Variants in CHEK1 observed in about 807,000 individuals in gnomAD.
The protein encoded by CHEK1 is checkpoint kinase 1.
A neutral mutation model predicts 60.2 loss-of-function variants in CHEK1; 32 were observed. That is an observed-to-expected ratio of 0.53 (90% CI 0.40 to 0.71). The LOEUF (loss-of-function observed/expected upper bound fraction) is 0.71. Ranked by LOEUF, CHEK1 falls within the 30% of genes least tolerant of loss-of-function variation. CHEK1 has a pLI of 0.00. For missense variants in CHEK1, 399 were observed against 564.6 expected (o/e 0.71, Z 2.97); for synonymous variants, 179 against 187.2 (o/e 0.96, Z 0.36).
chr11:125,668,066 T>C (rs1942129778), intron 13 of CHEK1, among the ~76,000 whole-genome samples: 2 of 152,242 alleles, frequency 1.3e-5, no homozygotes, highest in South Asian at 4.1e-4. Flanking sequence ...AATAAAGACC[T>C]TCTCACAGAC....
At chr11:125,679,540 C>G (rs183398926), downstream of CHEK1, among the ~76,000 whole-genome samples, 2 of 152,270 alleles carry the variant, frequency 1.3e-5, no homozygotes, top group Admixed American at 1.3e-4. Context: ...CATTGACTGT[C>G]AGACAAATAT....
At chr11:125,664,232 AT>A (rs34554687) in intron 13 of CHEK1, among the ~76,000 whole-genome samples, 10,306 of 129,188 alleles carry the variant, frequency 0.08, 291 homozygotes, top group African/African-American at 0.12. Context: ...ATGTTGAACT[AT>A]TTTTTTTTTT....
downstream of CHEK1, among the ~76,000 whole-genome samples, chr11:125,660,034 T>C (rs1196053182): frequency 1.3e-5 from 2 of 152,216 alleles, no homozygotes; most frequent in African/African-American, 2.4e-5. Context: ...GGACTCCTTA[T>C]GGCTGAATAA....
intron 11 of CHEK1, among the ~76,000 whole-genome samples, chr11:125,647,202 G>A (rs1265811307): frequency 6.6e-6 from 1 of 152,092 alleles, no homozygotes; most frequent in Non-Finnish European, 1.5e-5. Context: ...AAATTCAAAT[G>A]TTTGTATGTG....
intron 13 of CHEK1, among the ~76,000 whole-genome samples, chr11:125,666,260 A>G (rs1204314870): frequency 6.7e-6 from 1 of 149,748 alleles, no homozygotes; most frequent in Non-Finnish European, 1.5e-5. Flanking sequence ...CTTTTTACTT[A>G]TTGGTCTTTC....
At chr11:125,664,111 T>A (rs1045582028) in intron 13 of CHEK1, among the ~76,000 whole-genome samples, 2 of 152,174 alleles carry the variant, frequency 1.3e-5, no homozygotes, top group Non-Finnish European at 2.9e-5. Flanking sequence ...CCTTGCAGTA[T>A]AGTTTGAAGT....
At chr11:125,677,678 GTT>G (rs1942576337), downstream of CHEK1, 1 of 1,350,918 alleles carries the variant, frequency 7.4e-7, no homozygotes, top group East Asian at 2.4e-5. Context: ...TGAGAGAGCT[GTT>G]TGTGAAGTGT....
chr11:125,654,194 GTGGCGGGTGC>G (rs1941827072), intron 12 of CHEK1, among the ~76,000 whole-genome samples: 1 of 152,060 alleles, frequency 6.6e-6, no homozygotes, highest in African/African-American at 2.4e-5. Flanking sequence ...GCCAGGCGTG[GTGGCGGGTGC>G]CTGTAATCCC....
chr11:125,676,220 C>T (rs1942500397), exon 14 of CHEK1: 2 of 1,178,656 alleles, frequency 1.7e-6, no homozygotes, highest in South Asian at 3.0e-5. Flanking sequence ...GGATTCTGTT[C>T]TTAGTCCTTG....
At position 125,651,897 on chromosome 11, in the gene CHEK1, T is replaced by C. The variant is rs184179371; in HGVS notation, c.1234-1849T>C. On this transcript the variant is annotated intron_variant, in intron 11 of 12. Transcript: ENST00000438015. ...AAATTGCTTTTGTGGAGTAATGGAC[T>C]TCTGGAGTTCTTTTCTCTGCCATTT... Among the ~76,000 whole-genome samples the C allele has an allele frequency of 2.0e-4, 30 of 152,370 alleles. 1 individual carries two copies. The highest frequency in any genetic ancestry group is 1.8e-3 in the Admixed American group (28 of 15,314).
chr11:125,669,276 G>T (rs1161146049), intron 13 of CHEK1, among the ~76,000 whole-genome samples: 1 of 152,034 alleles, frequency 6.6e-6, no homozygotes, highest in African/African-American at 2.4e-5. Context: ...TGTTACCTTC[G>T]CTTTTGAAGG....
chr11:125,672,949 G>C (rs1367394721), intron 13 of CHEK1, among the ~76,000 whole-genome samples: 3 of 152,068 alleles, frequency 2.0e-5, no homozygotes, highest in Non-Finnish European at 2.9e-5. Flanking sequence ...TTACAAGGAT[G>C]CTCAGGTTAC....
intron 8 of CHEK1, among the ~76,000 whole-genome samples, chr11:125,642,515 G>C (rs977883440): frequency 5.3e-5 from 8 of 151,960 alleles, no homozygotes; most frequent in Non-Finnish European, 1.2e-4. Context: ...CTGAATGAAT[G>C]GATTAATAAA....
At position 125,627,505 on chromosome 11, in the gene CHEK1, A is replaced by G. The variant is rs1159572905; in HGVS notation, c.66-102A>G. ...ACTTCCTTGGTTTCTCCTTTGTGGA[A>G]AAAGTAATAGAGGTAAAATCGTTTT... On this transcript the variant is annotated intron_variant, in intron 2 of 12. Transcript: ENST00000438015. 14 of 920,840 alleles carry G rather than the reference A, an allele frequency of 1.5e-5. No individual in the cohort carries two copies. The African/African-American group carries it at 2.4e-4, about 16-fold the overall frequency. 57.0% of individuals were successfully genotyped at this position (920,840 alleles called of 1,614,324 possible).
exon 14 of CHEK1, chr11:125,676,062 C>T: frequency 4.0e-6 from 1 of 251,912 alleles, no homozygotes; most frequent in South Asian, 6.8e-5. Context: ...TGCCCACCAC[C>T]ACACCTGGCT....
At position 125,627,849 on chromosome 11, in the gene CHEK1, A is replaced by G. The variant is rs375597178; in HGVS notation, c.289+19A>G. The G allele has an allele frequency of 4.0e-6, 6 of 1,493,016 alleles. No homozygotes were observed. Among genetic ancestry groups the G allele is most frequent in the Middle Eastern group, 2.4e-4 (1 of 4,104 alleles). 92.5% of individuals were successfully genotyped at this position (1,493,016 alleles called of 1,614,324 possible). ...AGAATAGGTATGGAAGAAATTTAAGATAATTATTTTAAACAAGTTTTTAAA... is the reference window on the plus strand; with the variant it reads ...AGAATAGGTATGGAAGAAATTTAAGGTAATTATTTTAAACAAGTTTTTAAA... On this transcript the variant is annotated intron_variant, in intron 3 of 12. Coordinates refer to ENST00000438015, the MANE Select transcript of CHEK1 (RefSeq NM_001114122.3).
At chr11:125,660,167 G>A (rs1043746712), downstream of CHEK1, among the ~76,000 whole-genome samples, 10 of 152,148 alleles carry the variant, frequency 6.6e-5, no homozygotes, top group Non-Finnish European at 5.9e-5. Context: ...CTTGGTGTGT[G>A]TCCACACATT....
In CHEK1 at chr11:125,653,909, G is replaced by A. The variant is rs1056562334; in HGVS notation, c.1335+62G>A. ...TATTTCTATATGAATTTTTTTAATG[G>A]CATTATGTTTGTATATATGTGGCAT... On this transcript the variant is annotated intron_variant, in intron 12 of 12. Coordinates refer to ENST00000438015, the MANE Select transcript of CHEK1 (RefSeq NM_001114122.3). This position sits in a 1 kb window ranked among gnomAD's most constrained non-coding sequence, Gnocchi z 4.3. The A allele has an allele frequency of 2.0e-6, 2 of 991,094 alleles. No homozygotes were observed. Among genetic ancestry groups the A allele is most frequent in the African/African-American group, 1.7e-5 (1 of 58,874 alleles). The allele number at this position is 991,094 out of a possible 1,614,324, so 61.4% of individuals were successfully genotyped here. A position where few individuals can be genotyped will look rare whatever the true frequency, so the allele number is the denominator to read the frequency against.
chr11:125,669,876 C>G (rs1192946374), intron 13 of CHEK1, among the ~76,000 whole-genome samples: 1 of 151,302 alleles, frequency 6.6e-6, no homozygotes, highest in Non-Finnish European at 1.5e-5. Context: ...ATTGAGCTTC[C>G]TAGATTTTAT....
Sources: gnomAD v4.1 joint callset for allele counts (sites outside exome capture counted in the v4.1 genomes callset) on GRCh38, gnomAD v4.1.1 for gene constraint, Gnocchi (gnomAD v3.1) non-coding constraint, MANE v1.5 for transcripts, NCBI Gene and HGNC (gene_info 2026-07-23, HGNC 2026-07-21) for gene names.